The following ZSCAN29 variants were observed in gnomAD, a reference collection of about 807,000 sequenced individuals.
ZSCAN29 encodes zinc finger and SCAN domain containing 29.
ZSCAN29 carries 55 observed loss-of-function variants against 71.9 expected under a neutral mutation model. The ratio of observed to expected loss-of-function variants is 0.76; its 90% CI spans 0.62 to 0.96. The LOEUF (loss-of-function observed/expected upper bound fraction) is 0.96. Among genes scored for constraint, ZSCAN29 ranks in the 40% least tolerant of loss-of-function variants. The pLI, the probability that ZSCAN29 is intolerant of heterozygous loss-of-function variation, is 0.00. For synonymous variants in ZSCAN29, 351 were observed against 371.6 expected (o/e 0.94, Z 0.64); for missense variants, 1,042 against 1,042.2 (o/e 1.00, Z 0.00).
At chr15:43,362,301 G>T (rs747411767) in intron 5 of ZSCAN29, among the ~76,000 whole-genome samples, 1 of 152,042 alleles carries the variant, frequency 6.6e-6, no homozygotes. Context: ...GCCACATCTC[G>T]GGTCTGTCAT....
intron 4 of ZSCAN29, among the ~76,000 whole-genome samples, chr15:43,365,692 A>T (rs2142731927): frequency 6.6e-6 from 1 of 152,342 alleles, no homozygotes; most frequent in East Asian, 1.9e-4. Context: ...TAATAAACTG[A>T]CTTTGAGCTT....
At position 43,361,612 on chromosome 15, in the gene ZSCAN29, C is replaced by A; in HGVS notation, c.2020G>T (p.Val674Leu). The A allele has an allele frequency of 1.2e-6, 2 of 1,614,210 alleles. No homozygotes were observed. Among genetic ancestry groups the A allele is most frequent in the Admixed American group, 3.3e-5 (2 of 60,024 alleles). Reference protein sequence around the residue: ...SLLMHQVSHQVENPYKCADCG... With the variant: ...SLLMHQVSHQLENPYKCADCG... ...TCAGCACATTTATATGGATTTTCCA[C>A]CTGGTGGGATACCTGATGCATGAGA... Residue 674 changes from valine (V) to leucine (L), a missense_variant, in exon 6 of 6, where the codon GTG (valine) becomes TTG (leucine). Val to Leu is a conservative substitution (Grantham distance 32). Coordinates refer to ENST00000684362, the MANE Select transcript of ZSCAN29 (RefSeq NM_001372080.1).
At position 43,366,469 on chromosome 15, in the gene ZSCAN29, T is replaced by TC; in HGVS notation, c.862dup (p.Glu288GlyfsTer32). On this transcript the variant is annotated frameshift_variant, in exon 4 of 6. Coordinates refer to ENST00000684362, the MANE Select transcript of ZSCAN29 (RefSeq NM_001372080.1). LOFTEE classifies it high-confidence loss of function. ...TTCCAGGGTCCGGAGGAAGCCATAT[T>TC]CCCTGAGCCGCTCAGCCACAGCCCC... is the stretch of plus-strand genomic sequence containing the variant. The TC allele has an allele frequency of 1.2e-6, 2 of 1,614,128 alleles. No homozygotes were observed. Among genetic ancestry groups the TC allele is most frequent in the South Asian group, 2.2e-5 (2 of 91,072 alleles).
In ZSCAN29 at chr15:43,366,486, C is replaced by T. The variant is rs2044039603; in HGVS notation, c.846G>A (p.Val282=). 1 of 1,614,256 alleles carries T rather than the reference C, an allele frequency of 6.2e-7. No individual in the cohort carries two copies. Among genetic ancestry groups the T allele is most frequent in the Non-Finnish European group, 8.5e-7 (1 of 1,180,052 alleles). ...AGCCATATTCCCTGAGCCGCTCAGC[C>T]ACAGCCCCATACACTTGGCTGTTCC... ...CHRNSQVYGA[V]AERLREYGFL... Residue 282 remains valine (V), a synonymous_variant, in exon 4 of 6, where the codon GTG becomes GTA. Transcript: ENST00000684362.
intron 3 of ZSCAN29, 109 bp from the exon 4 acceptor site, chr15:43,366,917 C>G: frequency 1.9e-6 from 2 of 1,080,274 alleles, no homozygotes. Context: ...AACAAAGTGT[C>G]TAGGGAAATG....
At position 43,359,250 on chromosome 15, in the gene ZSCAN29, T is replaced by C. The variant is rs1298578449; in HGVS notation, c.*1823A>G. 1 of 152,236 alleles carries C rather than the reference T, an allele frequency of 6.6e-6. No individual in the cohort carries two copies. Among genetic ancestry groups the C allele is most frequent in the Non-Finnish European group, 1.5e-5 (1 of 68,026 alleles). The allele number at this position is 152,236 out of a possible 1,614,324, so 9.4% of individuals were successfully genotyped here. On this transcript the variant is annotated 3_prime_UTR_variant, in exon 6 of 6. Coordinates refer to ENST00000684362, the MANE Select transcript of ZSCAN29 (RefSeq NM_001372080.1). ...TGCATAGTGTTGCTACCTAGCTTTCTAGATTTCTCTAAAACTGCCGCAACT... is the reference window on the plus strand; with the variant it reads ...TGCATAGTGTTGCTACCTAGCTTTCCAGATTTCTCTAAAACTGCCGCAACT...
chr15:43,364,997 A>C (rs1242546926), intron 4 of ZSCAN29, among the ~76,000 whole-genome samples: 1 of 152,108 alleles, frequency 6.6e-6, no homozygotes, highest in Non-Finnish European at 1.5e-5. Context: ...GTCTGCAACA[A>C]AAAAGGAAAA....
chr15:43,369,123 G>A lies in ZSCAN29; in HGVS notation c.323C>T (p.Thr108Ile). The change falls in exon 3 of 6, where the codon ACA (threonine) becomes ATA (isoleucine). Residue 108 changes from threonine to isoleucine, a missense_variant. Thr to Ile is a moderately conservative substitution (Grantham distance 89). Coordinates refer to ENST00000684362, the MANE Select transcript of ZSCAN29 (RefSeq NM_001372080.1). ...REPGRPRSSV[T>I]VSVKGQEVRL... ...CACTTCCTGCCCCTTCACAGAGACTGTGACCTAGAAACAACCCCCGTTAAT... is the reference window on the plus strand; with the variant it reads ...CACTTCCTGCCCCTTCACAGAGACTATGACCTAGAAACAACCCCCGTTAAT... The A allele has an allele frequency of 6.4e-7, 1 of 1,557,168 alleles. No individual in the cohort carries two copies. The highest frequency in any genetic ancestry group is 8.7e-7 in the Non-Finnish European group (1 of 1,148,244).
Position 43,366,406 on chromosome 15 carries a change from T to C in ZSCAN29, c.926A>G (p.Tyr309Cys), listed in dbSNP as rs1304218926. The change falls in exon 4 of 6, where the codon TAT becomes TGT. Residue 309 changes from tyrosine (Y) to cysteine (C), a missense_variant. Tyr to Cys is a radical substitution (Grantham distance 194, BLOSUM62 -2). Transcript: ENST00000684362. ...RTKFKGLQKS[Y>C]RKVKSGHPPE... ...TGGGTGGCCGCTCTTGACTTTCCGA[T>C]AGCTCTTCTGGAGACCTTTGAACTT... 2 of 1,614,164 alleles carry C rather than the reference T, an allele frequency of 1.2e-6. No individual in the cohort carries two copies. The highest frequency in any genetic ancestry group is 8.5e-7 in the Non-Finnish European group (1 of 1,180,036).
chr15:43,364,519 C>A, intron 4 of ZSCAN29, 137 bp from the exon 5 acceptor site: 1 of 817,714 alleles, frequency 1.2e-6, no homozygotes, highest in Non-Finnish European at 2.0e-6. Flanking sequence ...CTTCATGTTT[C>A]CAAAATCCAC....
Position 43,361,229 on chromosome 15 carries a change from C to A in ZSCAN29, c.2403G>T (p.Lys801Asn). ...TATGATGTGCACGTAAGTCAGAACTCTTACTGAAACTCTTTCCACAGTCAG... is the reference window on the plus strand; with the variant it reads ...TATGATGTGCACGTAAGTCAGAACTATTACTGAAACTCTTTCCACAGTCAG... ...VCPDCGKSFS[K>N]SSDLRAHHRT... Residue 801 changes from lysine (K) to asparagine (N), a missense_variant, in exon 6 of 6, where the codon AAG becomes AAT. Lys to Asn is a moderately conservative substitution (Grantham distance 94, BLOSUM62 0). Coordinates refer to ENST00000684362, the MANE Select transcript of ZSCAN29 (RefSeq NM_001372080.1). 1.2e-6 allele frequency: 2 copies of A among 1,613,862 alleles called. No homozygotes were observed. Among genetic ancestry groups the A allele is most frequent in the Non-Finnish European group, 1.7e-6 (2 of 1,179,950 alleles).
Position 43,364,217 on chromosome 15 carries a change from G to T in ZSCAN29, c.1388C>A (p.Thr463Asn), listed in dbSNP as rs1333521234. Residue 463 changes from threonine (T) to asparagine (N), a missense_variant, in exon 5 of 6, where the codon ACC becomes AAC. Transcript: ENST00000684362. ...GFLRTPEQCR[T>N]KFKSLQTSYR... ...GCTGGTTTGCAGGCTTTTAAACTTG[G>T]TCCGACACTGTTCTGGGGTCCTAAG... 1 of 1,614,048 alleles carries T rather than the reference G, an allele frequency of 6.2e-7. No individual in the cohort carries two copies. The highest frequency in any genetic ancestry group is 1.3e-5 in the African/African-American group (1 of 74,904).
chr15:43,359,818 T>C lies in ZSCAN29; in HGVS notation c.*1255A>G, dbSNP rs2043962765. 1.3e-5 allele frequency: 2 copies of C among 152,342 alleles called. No individual in the cohort carries two copies. Among genetic ancestry groups the C allele is most frequent in the South Asian group, 4.1e-4 (2 of 4,832 alleles). 9.4% of individuals were successfully genotyped at this position (152,342 alleles called of 1,614,324 possible). A position where few individuals can be genotyped will look rare whatever the true frequency, so the allele number is the denominator to read the frequency against. ...ATGTATTATTCTATTCCAACCCTTC[T>C]TCTAGGACTCAGAAGAAACTAAGAA... On this transcript the variant is annotated 3_prime_UTR_variant, in exon 6 of 6. Transcript: ENST00000684362.
chr15:43,366,217 CCCT>C lies in ZSCAN29; in HGVS notation c.1112_1114del (p.Glu371del), dbSNP rs151154169. On this transcript the variant is annotated inframe_deletion, in exon 4 of 6. Coordinates refer to ENST00000684362, the MANE Select transcript of ZSCAN29 (RefSeq NM_001372080.1). ...CTCCTGAGCCACAGCCTCTTCTGCT[CCCT>C]CCTCATGCTGCCAGCCCCTCTGCCC... 4.1e-3 allele frequency: 6,618 copies of C among 1,613,922 alleles called. 226 individuals are homozygous for C. The African/African-American group carries it at 0.076, about 19-fold the overall frequency.
chr15:43,369,025 G>C lies in ZSCAN29; in HGVS notation c.421C>G (p.Gln141Glu). 6.2e-7 allele frequency: 1 copy of C among 1,612,540 alleles called. No individual in the cohort carries two copies. Among genetic ancestry groups the C allele is most frequent in the Admixed American group, 1.7e-5 (1 of 59,802 alleles). ...LSVRQESVEPQPRGVPKKERA... is the reference protein window; with the variant it reads ...LSVRQESVEPEPRGVPKKERA... ...TCTTTCTTGGGTACACCCCTGGGCT[G>C]GGGTTCCACTGACTCCTGCCGAACA... Residue 141 changes from glutamine (Q) to glutamate (E), a missense_variant, in exon 3 of 6, where the codon CAG becomes GAG. Physicochemically the swap from Gln to Glu is conservative, Grantham distance 29. Coordinates refer to ENST00000684362, the MANE Select transcript of ZSCAN29 (RefSeq NM_001372080.1).
chr15:43,359,179 C>G lies in ZSCAN29; in HGVS notation c.*1894G>C, dbSNP rs895295264. ...CCTGAATAAAGAGAAAAAATACCTC[C>G]CAGATTTTTGTTAAAGCAAACTAAT... On this transcript the variant is annotated 3_prime_UTR_variant, in exon 6 of 6. Coordinates refer to ENST00000684362, the MANE Select transcript of ZSCAN29 (RefSeq NM_001372080.1). The G allele has an allele frequency of 6.6e-6, 1 of 152,206 alleles. No individual in the cohort carries two copies. Among genetic ancestry groups the G allele is most frequent in the Non-Finnish European group, 1.5e-5 (1 of 68,040 alleles). 9.4% of individuals were successfully genotyped at this position (152,206 alleles called of 1,614,324 possible). A position where few individuals can be genotyped will look rare whatever the true frequency, so the allele number is the denominator to read the frequency against.
Position 43,364,059 on chromosome 15 carries a change from C to G in ZSCAN29, c.1546G>C (p.Gly516Arg), listed in dbSNP as rs769098912. Residue 516 changes from glycine (G) to arginine (R), a missense_variant, in exon 5 of 6, where the codon GGG (glycine) becomes CGG (arginine). Physicochemically the swap from Gly to Arg is moderately radical, Grantham distance 125. Coordinates refer to ENST00000684362, the MANE Select transcript of ZSCAN29 (RefSeq NM_001372080.1). Reference sequence around the variant, plus strand: ...TTCTGAGCTTCAGCCTCACTGGTCCCCTGGACGGGGCAAGAAGCAGTCTCT... The same window carrying G: ...TTCTGAGCTTCAGCCTCACTGGTCCGCTGGACGGGGCAAGAAGCAGTCTCT... ...QEETASCPVQ[G>R]TSEAEAQKQA... 6.2e-7 allele frequency: 1 copy of G among 1,614,192 alleles called. No homozygotes were observed. The highest frequency in any genetic ancestry group is 2.2e-5 in the East Asian group (1 of 44,884).
In ZSCAN29 at chr15:43,369,920, C is replaced by T; in HGVS notation, c.-7G>A. On this transcript the variant is annotated 5_prime_UTR_variant, in exon 2 of 6. Coordinates refer to ENST00000684362, the MANE Select transcript of ZSCAN29 (RefSeq NM_001372080.1). The stretch of plus-strand genomic sequence containing the variant: ...GAGCTGATTTGGCCATCATTAATAG[C>T]AGAATGCAGCTTCCCTTCGCTTAGG... 2 of 1,585,488 alleles carry T rather than the reference C, an allele frequency of 1.3e-6. No homozygotes were observed. The highest frequency in any genetic ancestry group is 1.7e-6 in the Non-Finnish European group (2 of 1,168,360).
At chr15:43,369,458 G>A (rs1177313661) in intron 2 of ZSCAN29, 138 bp downstream of exon 2, 2 of 964,148 alleles carry the variant, frequency 2.1e-6, no homozygotes, top group Non-Finnish European at 3.1e-6. Flanking sequence ...AGCACTATCT[G>A]AAAAAGTTAC....
Sources: gnomAD v4.1 joint callset for allele counts (sites outside exome capture counted in the v4.1 genomes callset) on GRCh38, gnomAD v4.1.1 for gene constraint, MANE v1.5 for transcripts, NCBI Gene and HGNC (gene_info 2026-07-23, HGNC 2026-07-21) for gene names.